CREB3L2: variants seen among roughly 807,000 people sequenced by gnomAD.
The protein encoded by CREB3L2 is cAMP responsive element binding protein 3 like 2.
Under a neutral mutation model 57.2 loss-of-function variants are expected in CREB3L2, and 23 were observed. The ratio of observed to expected loss-of-function variants is 0.40; its 90% CI spans 0.29 to 0.57. The LOEUF (loss-of-function observed/expected upper bound fraction) is 0.57. CREB3L2 is among the 20% of genes least tolerant of loss of function. CREB3L2 has a pLI of 0.42. For synonymous variants in CREB3L2, 268 were observed against 265.1 expected, an observed-to-expected ratio of 1.01 and a Z score of -0.11; for missense variants, 628 against 634.7, an observed-to-expected ratio of 0.99 and a Z score of 0.11.
chr7:137,967,285 T>G (rs942361227), intron 1 of CREB3L2, among the ~76,000 whole-genome samples: 1 of 152,192 alleles, frequency 6.6e-6, no homozygotes, highest in Non-Finnish European at 1.5e-5. Flanking sequence ...TAAGGTGGCC[T>G]GAGCAGACCA....
chr7:137,913,533 A>G (rs776856457), intron 3 of CREB3L2, among the ~76,000 whole-genome samples: 8 of 151,746 alleles, frequency 5.3e-5, no homozygotes, highest in Non-Finnish European at 1.0e-4. Context: ...AAAAAAGAAA[A>G]AAAAAGAAAA....
chr7:137,998,628 A>AT (rs1802028661), intron 1 of CREB3L2, among the ~76,000 whole-genome samples: 1 of 152,168 alleles, frequency 6.6e-6, no homozygotes, highest in South Asian at 2.1e-4. Context: ...ACGAAGCCTC[A>AT]TTTTTCTTAT....
chr7:137,925,020 G>A (rs1800422460), intron 2 of CREB3L2, among the ~76,000 whole-genome samples: 1 of 152,158 alleles, frequency 6.6e-6, no homozygotes, highest in Non-Finnish European at 1.5e-5. Flanking sequence ...ACAGTTTTAG[G>A]GGTCCACAGT....
chr7:137,926,375 T>C (rs1387574165), intron 2 of CREB3L2, among the ~76,000 whole-genome samples: 1 of 152,098 alleles, frequency 6.6e-6, no homozygotes, highest in Non-Finnish European at 1.5e-5. Context: ...ATGTAACACA[T>C]ATACACCATG....
intron 1 of CREB3L2, among the ~76,000 whole-genome samples, chr7:137,987,574 T>C (rs1185862289): frequency 6.6e-6 from 1 of 152,242 alleles, no homozygotes; most frequent in Non-Finnish European, 1.5e-5. Context: ...AAGTCTGTAA[T>C]AGCAGGATGC....
At position 137,972,703 on chromosome 7, in the gene CREB3L2, A is replaced by ACAAC. The variant is rs1184152414; in HGVS notation, c.102+28900_102+28901insGTTG. 1.8e-4 allele frequency among the ~76,000 whole-genome samples: 9 copies of ACAAC among 49,912 alleles called. 1 individual carries two copies. Among genetic ancestry groups the ACAAC allele is most frequent in the African/African-American group, 9.2e-4 (8 of 8,656 alleles). 32.7% of individuals were successfully genotyped at this position (49,912 alleles called of 152,430 possible). ...TCTCTACAAAAAAAAAAAAAAAAAA[A>ACAAC]AAAAAAAAAATATATATATATATAT... On this transcript the variant is annotated intron_variant, in intron 1 of 11. Coordinates refer to ENST00000330387, the MANE Select transcript of CREB3L2 (RefSeq NM_194071.4).
At chr7:137,928,764 C>T (rs1800540834) in intron 1 of CREB3L2, among the ~76,000 whole-genome samples, 1 of 152,196 alleles carries the variant, frequency 6.6e-6, no homozygotes, top group Non-Finnish European at 1.5e-5. Context: ...AAAACCAAAG[C>T]TGAGTGGCCC....
At chr7:137,888,112 A>G (rs1010815544) in intron 8 of CREB3L2, among the ~76,000 whole-genome samples, 30 of 152,182 alleles carry the variant, frequency 2.0e-4, no homozygotes, top group African/African-American at 7.0e-4. Context: ...GTGAGTCATC[A>G]TGCCCAGCTA....
intron 2 of CREB3L2, among the ~76,000 whole-genome samples, chr7:137,922,420 A>ACG (rs1563253313): frequency 1.6e-4 from 7 of 42,682 alleles, no homozygotes; most frequent in African/African-American, 1.2e-3. Flanking sequence ...ATATATGTAT[A>ACG]TATATATATA....
rs10676214 is a variant in CREB3L2 at position 137,995,333 on chromosome 7, C to CTTTTTTTTTTTTTT, written c.102+6257_102+6270dup. Among the ~76,000 whole-genome samples, 67 of 87,438 alleles carry CTTTTTTTTTTTTTT rather than the reference C, an allele frequency of 7.7e-4. 5 individuals are homozygous for CTTTTTTTTTTTTTT. Among genetic ancestry groups the CTTTTTTTTTTTTTT allele is most frequent in the African/African-American group, 1.4e-3 (30 of 21,192 alleles). 57.4% of individuals were successfully genotyped at this position (87,438 alleles called of 152,430 possible). ...CTATTTCTTTTTTTTTCTTTTCTTT[C>CTTTTTTTTTTTTTT]TTTTTTTTTTTTTTTTTTTGAGACA... On this transcript the variant is annotated intron_variant, in intron 1 of 11. Transcript: ENST00000330387.
chr7:137,941,044 T>C (rs1171435374), intron 1 of CREB3L2, among the ~76,000 whole-genome samples: 2 of 152,232 alleles, frequency 1.3e-5, no homozygotes, highest in Non-Finnish European at 2.9e-5. Context: ...CTCACATGTA[T>C]GCCCCACCTC....
At chr7:137,884,438 T>A (rs1444938062) in intron 10 of CREB3L2, 2 of 154,568 alleles carry the variant, frequency 1.3e-5, no homozygotes, top group Non-Finnish European at 2.9e-5. Flanking sequence ...TTAGTGGCGA[T>A]GGGGTTTCAC....
At chr7:137,908,707 C>A (rs1162087419) in intron 4 of CREB3L2, among the ~76,000 whole-genome samples, 1 of 152,196 alleles carries the variant, frequency 6.6e-6, no homozygotes, top group Non-Finnish European at 1.5e-5. Flanking sequence ...GGCAAGGTGG[C>A]TCATGGCTGT....
At chr7:137,943,482 A>C (rs369993794) in intron 1 of CREB3L2, among the ~76,000 whole-genome samples, 1 of 152,280 alleles carries the variant, frequency 6.6e-6, no homozygotes, top group African/African-American at 2.4e-5. Flanking sequence ...GAGGCCAAGC[A>C]TAGATGGAGA....
At chr7:137,894,325 T>G (rs74335215) in intron 8 of CREB3L2, among the ~76,000 whole-genome samples, 1 of 152,170 alleles carries the variant, frequency 6.6e-6, no homozygotes, top group African/African-American at 2.4e-5. Context: ...CTGATACATA[T>G]ATGCTGCTGC....
chr7:137,892,214 T>A (rs1239288523), intron 8 of CREB3L2, among the ~76,000 whole-genome samples: 2 of 152,182 alleles, frequency 1.3e-5, no homozygotes, highest in African/African-American at 4.8e-5. Context: ...TTGTGAAGCA[T>A]TCATATTAGT....
intron 1 of CREB3L2, among the ~76,000 whole-genome samples, chr7:137,993,546 G>T (rs1393431396): frequency 6.6e-6 from 1 of 152,118 alleles, no homozygotes; most frequent in Non-Finnish European, 1.5e-5. Flanking sequence ...TTGAGACAGG[G>T]TCTCACTCTG....
chr7:137,922,413 T>TAC (rs1388085540), intron 2 of CREB3L2, among the ~76,000 whole-genome samples: 527 of 21,078 alleles, frequency 0.025, 22 homozygotes, highest in African/African-American at 0.098. Flanking sequence ...TATATATATA[T>TAC]ATGTATATAT....
intron 1 of CREB3L2, among the ~76,000 whole-genome samples, chr7:137,988,832 G>A (rs1056755063): frequency 2.6e-5 from 4 of 151,950 alleles, no homozygotes; most frequent in Admixed American, 6.6e-5. Flanking sequence ...AGTGGCTCAC[G>A]CCTGCAATCC....
Sources: gnomAD v4.1 joint callset for allele counts (sites outside exome capture counted in the v4.1 genomes callset) on GRCh38, gnomAD v4.1.1 for gene constraint, MANE v1.5 for transcripts, NCBI Gene and HGNC (gene_info 2026-07-23, HGNC 2026-07-21) for gene names.